The following NOD2 variants were observed in gnomAD, a reference collection of about 807,000 sequenced individuals.
NOD2 encodes the protein nucleotide binding oligomerization domain containing 2.
A neutral mutation model predicts 90.9 loss-of-function variants in NOD2; 86 were observed. The ratio of observed to expected loss-of-function variants is 0.95; its 90% confidence interval spans 0.79 to 1.13. NOD2 has a LOEUF of 1.13. Ranked by LOEUF, NOD2 falls within the 50% of genes most tolerant of loss-of-function variation. NOD2 has a pLI of 0.00. For synonymous variants in NOD2, 581 were observed against 554.6 expected (o/e 1.05, Z -0.67); for missense variants, 1,238 against 1,283.8 (o/e 0.96, Z 0.55).
chr16:50,724,830 A>T (rs773768013), intron 9 of NOD2, among the ~76,000 whole-genome samples: 1 of 152,214 alleles, frequency 6.6e-6, no homozygotes, highest in Non-Finnish European at 1.5e-5. Context: ...TTTTTCCTGT[A>T]TAGGCAGCTG....
chr16:50,710,781 C>G lies in NOD2; in HGVS notation c.789C>G (p.Asp263Glu). The G allele has an allele frequency of 1.2e-6, 2 of 1,614,120 alleles. No individual in the cohort carries two copies. The highest frequency in any genetic ancestry group is 1.7e-6 in the Non-Finnish European group (2 of 1,180,036). Residue 263 changes from aspartate (D) to glutamate (E), a missense_variant, in exon 4 of 12, where the codon GAC (aspartate) becomes GAG (glutamate). Physicochemically the swap from Asp to Glu is conservative, Grantham distance 45. Transcript: ENST00000647318. ...TCAGCACCCCTGGCCACCTCAATGA[C>G]GATGCGGACACTGTGCTGGTGGTGG... Reference protein sequence around the residue: ...ELFSTPGHLNDDADTVLVVGE... With the variant: ...ELFSTPGHLNEDADTVLVVGE...
At chr16:50,700,025 C>A in intron 2 of NOD2, 71 bp downstream of exon 2, 1 of 1,420,864 alleles carries the variant, frequency 7.0e-7, no homozygotes, top group Non-Finnish European at 9.7e-7. Context: ...CTGATTTGTC[C>A]TCATGAAGTC....
intron 1 of NOD2, chr16:50,697,343 C>G (rs905909450): frequency 1.3e-6 from 2 of 1,542,258 alleles, no homozygotes; most frequent in Non-Finnish European, 1.8e-6. Context: ...TTGTCCCGTC[C>G]CAGCTTGATC....
Position 50,716,540 on chromosome 16 carries a change from TTG to T in NOD2, c.2382-45_2382-44del, listed in dbSNP as rs768902773. 18 of 1,541,826 alleles carry T rather than the reference TTG, an allele frequency of 1.2e-5. No homozygotes were observed. The African/African-American group carries it at 2.4e-4, about 21-fold the overall frequency. On this transcript the variant is annotated intron_variant, in intron 4 of 11. Coordinates refer to ENST00000647318, the MANE Select transcript of NOD2 (RefSeq NM_001370466.1). Reference sequence around the variant, plus strand: ...TTTGGGGGATTTGTAGATTTTTTTCTTGTCTTACTAGCTCCATTTTCAAATGT... The same window carrying T: ...TTTGGGGGATTTGTAGATTTTTTTCTTCTTACTAGCTCCATTTTCAAATGT...
intron 11 of NOD2, among the ~76,000 whole-genome samples, chr16:50,730,929 C>T (rs1442829353): frequency 2.0e-5 from 3 of 152,186 alleles, no homozygotes; most frequent in Admixed American, 6.5e-5. Flanking sequence ...CTGGGCGTGG[C>T]AGCTCACACC....
rs752783717 is a variant in NOD2 at position 50,731,796 on chromosome 16, A to C, written c.3019A>C (p.Arg1007=). ...SLEEVDKLGC[R]DTRLLL ...AGAGGAGGTTGACAAGCTCGGCTGC[A>C]GGGACACCAGACTCTTGCTTTGAAG... The change falls in exon 12 of 12, where the codon AGG becomes CGG. Residue 1007 remains arginine (R), a synonymous_variant. Transcript: ENST00000647318. 1.7e-5 allele frequency: 27 copies of C among 1,613,742 alleles called. No homozygotes were observed. Among genetic ancestry groups the C allele is most frequent in the Non-Finnish European group, 2.3e-5 (27 of 1,179,650 alleles).
chr16:50,707,987 A>G (rs764510464), intron 3 of NOD2, 27 bp downstream of exon 3: 93 of 1,483,274 alleles, frequency 6.3e-5, no homozygotes, highest in Non-Finnish European at 8.5e-5. Context: ...AGTTAATCAG[A>G]AAGGGAAGGG....
At chr16:50,715,080 G>A (rs1265863125) in intron 4 of NOD2, among the ~76,000 whole-genome samples, 1 of 152,202 alleles carries the variant, frequency 6.6e-6, no homozygotes, top group African/African-American at 2.4e-5. Context: ...CTGCACTACA[G>A]AAGTGGCCAT....
chr16:50,709,000 C>T (rs1392372278), intron 3 of NOD2, among the ~76,000 whole-genome samples: 1 of 152,236 alleles, frequency 6.6e-6, no homozygotes, highest in Middle Eastern at 3.2e-3. Flanking sequence ...CAAGATTCCC[C>T]ACACTTCTAA....
chr16:50,713,628 C>T (rs1435807193), intron 4 of NOD2: 1 of 148,338 alleles, frequency 6.7e-6, no homozygotes, highest in East Asian at 2.0e-4. Flanking sequence ...AGATTGTTTA[C>T]AAGCCATGGG....
In NOD2 at chr16:50,711,844, C is replaced by T; in HGVS notation, c.1852C>T (p.Pro618Ser). The T allele has an allele frequency of 6.2e-7, 1 of 1,613,040 alleles. No homozygotes were observed. Among genetic ancestry groups the T allele is most frequent in the Non-Finnish European group, 8.5e-7 (1 of 1,179,086 alleles). ...CAACTCACCAATGGCCAGGCTCCTG[C>T]CCACGATGTGCATCCAGGCCTCGGA... ...PGNSPMARLL[P>S]TMCIQASEGK... is the part of the protein sequence containing the mutation. The change falls in exon 4 of 12, where the codon CCC (proline) becomes TCC (serine). Residue 618 changes from proline to serine, a missense_variant. Pro to Ser is a moderately conservative substitution (Grantham distance 74). Coordinates refer to ENST00000647318, the MANE Select transcript of NOD2 (RefSeq NM_001370466.1).
chr16:50,728,322 T>A (rs1232737396), intron 10 of NOD2: 3 of 389,796 alleles, frequency 7.7e-6, no homozygotes, highest in Non-Finnish European at 1.5e-5. Flanking sequence ...GCACTATACG[T>A]TAGTTAGCAG....
rs1361409611 is a variant in NOD2 at position 50,711,405 on chromosome 16, A to C, written c.1413A>C (p.Glu471Asp). The C allele has an allele frequency of 3.1e-6, 5 of 1,613,528 alleles. No individual in the cohort carries two copies. Among genetic ancestry groups the C allele is most frequent in the Non-Finnish European group, 4.2e-6 (5 of 1,180,042 alleles). ...FSWMVSKCHQ[E>D]LLLQEGGSPK... ...GGATGGTGTCCAAATGCCACCAGGAACTGTTGCTGCAGGAGGGGGGGTCCC... is the reference window on the plus strand; with the variant it reads ...GGATGGTGTCCAAATGCCACCAGGACCTGTTGCTGCAGGAGGGGGGGTCCC... Residue 471 changes from glutamate to aspartate, a missense_variant, in exon 4 of 12, where the codon GAA becomes GAC. Glu to Asp is a conservative substitution (Grantham distance 45). Around this residue, in one of 3 missense-constraint regions of NOD2, gnomAD observed 667 missense variants for 688.7 expected, o/e 0.97. Transcript: ENST00000647318.
In NOD2 at chr16:50,711,178, G is replaced by A. The variant is rs774197781; in HGVS notation, c.1186G>A (p.Val396Met). 4 of 1,614,138 alleles carry A rather than the reference G, an allele frequency of 2.5e-6. No individual in the cohort carries two copies. The East Asian group carries it at 6.7e-5, about 27-fold the overall frequency. The change falls in exon 4 of 12, where the codon GTG becomes ATG. Residue 396 changes from valine (V) to methionine (M), a missense_variant. Val to Met is a conservative substitution (Grantham distance 21). Around this residue, in one of 3 missense-constraint regions of NOD2, gnomAD observed 567 missense variants for 577.3 expected, o/e 0.98. Coordinates refer to ENST00000647318, the MANE Select transcript of NOD2 (RefSeq NM_001370466.1). ...CCTGCTGAAGAATGCCCGCAAGGTGGTGACCAGCCGTCCGGCCGCTGTGTC... is the reference window on the plus strand; with the variant it reads ...CCTGCTGAAGAATGCCCGCAAGGTGATGACCAGCCGTCCGGCCGCTGTGTC... ...GNLLKNARKV[V>M]TSRPAAVSAF...
rs1224862712 is a variant in NOD2 at position 50,711,234 on chromosome 16, G to C, written c.1242G>C (p.Glu414Asp). The C allele has an allele frequency of 6.2e-7, 1 of 1,613,916 alleles. No individual in the cohort carries two copies. The highest frequency in any genetic ancestry group is 1.3e-5 in the African/African-American group (1 of 74,942). The change falls in exon 4 of 12, where the codon GAG becomes GAC. Residue 414 changes from glutamate to aspartate, a missense_variant. By Grantham distance (45) the Glu-to-Asp change is conservative. This residue lies in a region of NOD2 where 567 missense variants were observed against 577.3 expected (regional missense o/e 0.98). Coordinates refer to ENST00000647318, the MANE Select transcript of NOD2 (RefSeq NM_001370466.1). ...SAFLRKYIRT[E>D]FNLKGFSEQG... The stretch of plus-strand genomic sequence containing the variant: ...TCCTCAGGAAGTACATCCGCACCGA[G>C]TTCAACCTCAAGGGCTTCTCTGAAC...
chr16:50,697,201 A>G, intron 1 of NOD2: 1 of 1,514,986 alleles, frequency 6.6e-7, no homozygotes, highest in Non-Finnish European at 9.0e-7. Context: ...CACAAGGCCT[A>G]CCCGCAGATG....
chr16:50,717,113 G>A (rs1349744554), intron 6 of NOD2, 139 bp downstream of exon 6: 4 of 771,074 alleles, frequency 5.2e-6, no homozygotes, highest in Non-Finnish European at 9.2e-6. Flanking sequence ...CTCATTTTAA[G>A]CAGGGGTTCT....
intron 4 of NOD2, chr16:50,713,354 TG>T (rs1194436052): frequency 6.6e-6 from 1 of 152,142 alleles, no homozygotes; most frequent in Admixed American, 6.6e-5. Context: ...ACATCTTCTC[TG>T]GGGGCAAAGC....
In NOD2 at chr16:50,732,520, G is replaced by A. The variant is rs1321738640; in HGVS notation, c.*701G>A. 3 of 153,454 alleles carry A rather than the reference G, an allele frequency of 2.0e-5. No individual in the cohort carries two copies. Among genetic ancestry groups the A allele is most frequent in the African/African-American group, 7.2e-5 (3 of 41,452 alleles). 9.5% of individuals were successfully genotyped at this position (153,454 alleles called of 1,614,324 possible). A position where few individuals can be genotyped will look rare whatever the true frequency, so the allele number is the denominator to read the frequency against. ...CACGTGACAGCCGTTTGTTCCCCAA[G>A]ACATTCTAGGTTTGCAAGAAAAATA... On this transcript the variant is annotated 3_prime_UTR_variant, in exon 12 of 12. Coordinates refer to ENST00000647318, the MANE Select transcript of NOD2 (RefSeq NM_001370466.1).
Sources: gnomAD v4.1 joint callset for allele counts (sites outside exome capture counted in the v4.1 genomes callset) on GRCh38, gnomAD v4.1.1 for gene constraint, gnomAD v4.1.1 regional missense constraint, MANE v1.5 for transcripts, NCBI Gene and HGNC (gene_info 2026-07-23, HGNC 2026-07-21) for gene names.